NF2: variants seen among roughly 807,000 people sequenced by gnomAD.
NF2 encodes the protein merlin.
In NF2, 8 loss-of-function variants were observed where a neutral mutation model predicts 83.7. The observed-to-expected ratio is 0.10, with a 90% CI of 0.06 to 0.17. NF2 has a LOEUF of 0.17. Ranked by LOEUF, NF2 falls within the 10% of genes least tolerant of loss-of-function variation. The pLI is 1.00. For missense variants in NF2, 533 were observed against 744.4 expected (o/e 0.72, Z 3.31); for synonymous variants, 266 against 269.6 (o/e 0.99, Z 0.13).
intron 1 of NF2, among the ~76,000 whole-genome samples, chr22:29,610,585 A>G (rs2064925388): frequency 6.6e-6 from 1 of 151,494 alleles, no homozygotes; most frequent in African/African-American, 2.4e-5. Flanking sequence ...TGGAGGTTGC[A>G]GTGAGCTGAG....
At position 29,658,241 on chromosome 22, in the gene NF2, G is replaced by T. The variant is rs776818377; in HGVS notation, c.652G>T (p.Gly218Cys). The T allele has an allele frequency of 7.4e-6, 12 of 1,614,024 alleles. No homozygotes were observed. Among genetic ancestry groups the T allele is most frequent in the Non-Finnish European group, 1.0e-5 (12 of 1,180,030 alleles). Residue 218 changes from glycine (G) to cysteine (C), a missense_variant, in exon 7 of 16, where the codon GGT becomes TGT. Gly to Cys is a radical substitution (Grantham distance 159). Transcript: ENST00000338641. ...GATAGCTCAGGACCTGGAGATGTAC[G>T]GTGTGAACTACTTTGCAATCCGGGT... ...LKIAQDLEMY[G>C]VNYFAIRNKK...
Position 29,661,359 on chromosome 22 carries a change from C to T in NF2, c.810+20C>T, listed in dbSNP as rs777462336. The T allele has an allele frequency of 6.2e-7, 1 of 1,612,906 alleles. No homozygotes were observed. The highest frequency in any genetic ancestry group is 1.1e-5 in the South Asian group (1 of 91,082). Reference sequence around the variant, plus strand: ...AAGGAGGTAGGACATGTGTGTACTGCAGATGGGTCCAGCAGATCTTTCCCT... The same window carrying T: ...AAGGAGGTAGGACATGTGTGTACTGTAGATGGGTCCAGCAGATCTTTCCCT... On this transcript the variant is annotated intron_variant, in intron 8 of 15. Coordinates refer to ENST00000338641, the MANE Select transcript of NF2 (RefSeq NM_000268.4).
chr22:29,675,261 G>A (rs1224832847), intron 13 of NF2, among the ~76,000 whole-genome samples: 1 of 152,146 alleles, frequency 6.6e-6, no homozygotes, highest in Non-Finnish European at 1.5e-5. Context: ...GCCTCTTAAT[G>A]CTGAGCTGAA....
intron 6 of NF2, among the ~76,000 whole-genome samples, chr22:29,657,140 C>T (rs1251350592): frequency 1.3e-5 from 2 of 152,014 alleles, no homozygotes; most frequent in African/African-American, 4.8e-5. Context: ...TGTCTCCCTA[C>T]CCCCAATTCC....
rs1257554315 is a variant in NF2 at position 29,694,075 on chromosome 22, T to C, written c.1738-677T>C. Among the ~76,000 whole-genome samples the C allele has an allele frequency of 1.3e-5, 2 of 152,200 alleles. No homozygotes were observed. The highest frequency in any genetic ancestry group is 2.4e-5 in the African/African-American group (1 of 41,446). On this transcript the variant is annotated intron_variant, in intron 15 of 15. Transcript: ENST00000338641. The surrounding 1 kb of genome is among the most constrained non-coding windows in gnomAD (Gnocchi z 4.1). ...ATCCCCTTCCACATCTCCCTGACTGTCCTTCTTTACATTTGCTGGGCAGAG... is the reference window on the plus strand; with the variant it reads ...ATCCCCTTCCACATCTCCCTGACTGCCCTTCTTTACATTTGCTGGGCAGAG...
At chr22:29,642,015 A>G (rs955393644) in intron 3 of NF2, among the ~76,000 whole-genome samples, 187 bp from the exon 4 acceptor site, 6 of 152,216 alleles carry the variant, frequency 3.9e-5, no homozygotes, top group Non-Finnish European at 8.8e-5. Context: ...TCATACCAGT[A>G]ACTTCTGTGA....
At chr22:29,621,431 A>T (rs1047909279) in intron 1 of NF2, among the ~76,000 whole-genome samples, 1 of 152,214 alleles carries the variant, frequency 6.6e-6, no homozygotes, top group African/African-American at 2.4e-5. Context: ...CTAACACAAG[A>T]TAAGTGCTAT....
chr22:29,637,853 CAGTG>C (rs2065690204), intron 2 of NF2, among the ~76,000 whole-genome samples: 2 of 152,224 alleles, frequency 1.3e-5, no homozygotes, highest in Admixed American at 1.3e-4. Context: ...GGGCCACTGT[CAGTG>C]AGGGTGTCGT....
chr22:29,615,698 A>G (rs902064432), intron 1 of NF2, among the ~76,000 whole-genome samples: 1 of 152,098 alleles, frequency 6.6e-6, no homozygotes, highest in Non-Finnish European at 1.5e-5. Flanking sequence ...TTGTGGTGCT[A>G]TACTCCAGGC....
intron 15 of NF2, chr22:29,683,026 G>A (rs1405141736): frequency 1.9e-6 from 3 of 1,614,186 alleles, no homozygotes; most frequent in Non-Finnish European, 1.7e-6. Flanking sequence ...TTAGCCTCAA[G>A]CCCAAGGCAG....
intron 12 of NF2, among the ~76,000 whole-genome samples, chr22:29,674,506 T>C (rs1256826253): frequency 6.6e-6 from 1 of 152,180 alleles, no homozygotes; most frequent in East Asian, 1.9e-4. Context: ...CCCAGCTCAC[T>C]CTCACCCAAA....
intron 13 of NF2, 74 bp downstream of exon 13, chr22:29,675,015 A>C: frequency 7.6e-6 from 10 of 1,309,460 alleles, no homozygotes; most frequent in East Asian, 2.5e-5. Context: ...CCTTCAGTTC[A>C]TCTGGCGGTG....
Position 29,636,781 on chromosome 22 carries a change from T to C in NF2, c.145T>C (p.Leu49=). ...MKWKGKDLFD[L]VCRTLGLRET... ...GTGGAAAGGGAAGGACCTCTTTGATTTGGTGTGCCGGACTCTGGGGCTCCG... is the reference window on the plus strand; with the variant it reads ...GTGGAAAGGGAAGGACCTCTTTGATCTGGTGTGCCGGACTCTGGGGCTCCG... Residue 49 remains leucine, a synonymous_variant, in exon 2 of 16, where the codon TTG becomes CTG. Transcript: ENST00000338641. This position sits in a 1 kb window ranked among gnomAD's most constrained non-coding sequence, Gnocchi z 4.4. 1.2e-6 allele frequency: 2 copies of C among 1,614,178 alleles called. No homozygotes were observed. The highest frequency in any genetic ancestry group is 1.7e-6 in the Non-Finnish European group (2 of 1,180,036).
At chr22:29,671,269 G>A (rs1326584606) in intron 10 of NF2, among the ~76,000 whole-genome samples, 4 of 152,308 alleles carry the variant, frequency 2.6e-5, no homozygotes, top group South Asian at 2.1e-4. Context: ...GGCGGCTCAT[G>A]CCTGTAATCC....
chr22:29,613,649 C>T (rs1191126805), intron 1 of NF2, among the ~76,000 whole-genome samples: 2 of 152,094 alleles, frequency 1.3e-5, no homozygotes, highest in South Asian at 2.1e-4. Flanking sequence ...AGTTCATGGT[C>T]ACCTGATTCT....
chr22:29,640,475 T>G (rs1244510087), intron 3 of NF2, among the ~76,000 whole-genome samples: 2 of 152,170 alleles, frequency 1.3e-5, no homozygotes, highest in African/African-American at 4.8e-5. Context: ...GGAACTGGTC[T>G]GAGGATGAAA....
At chr22:29,628,140 CTGTGTGTGTGTGTGTGTGTGTGTG>C (rs3138701) in intron 1 of NF2, among the ~76,000 whole-genome samples, 2 of 139,676 alleles carry the variant, frequency 1.4e-5, no homozygotes, top group African/African-American at 5.4e-5. Context: ...GAGACTTAAT[CTGTGTGTGTGTGTGTGTGTGTGTG>C]TGTGTGTGTG....
At chr22:29,651,465 T>C (rs2066145429) in intron 4 of NF2, among the ~76,000 whole-genome samples, 1 of 152,230 alleles carries the variant, frequency 6.6e-6, no homozygotes, top group Non-Finnish European at 1.5e-5. Context: ...CCAAGCTTCC[T>C]TAGCTTCCCA....
At chr22:29,654,425 G>A (rs887918945) in intron 4 of NF2, among the ~76,000 whole-genome samples, 9 of 152,170 alleles carry the variant, frequency 5.9e-5, no homozygotes, top group Non-Finnish European at 1.3e-4. Flanking sequence ...TCACATTCTT[G>A]TTAGCACATC....
Sources: gnomAD v4.1 joint callset for allele counts (sites outside exome capture counted in the v4.1 genomes callset) on GRCh38, gnomAD v4.1.1 for gene constraint, Gnocchi (gnomAD v3.1) non-coding constraint, MANE v1.5 for transcripts, NCBI Gene and HGNC (gene_info 2026-07-23, HGNC 2026-07-21) for gene names.